ITIH5: variants seen among roughly 807,000 people sequenced by gnomAD.
ITIH5 encodes the protein inter-alpha-trypsin inhibitor heavy chain 5.
In ITIH5, 65 loss-of-function variants were observed where a neutral mutation model predicts 77.5. The observed-to-expected ratio is 0.84, with a 90% CI of 0.69 to 1.03. ITIH5 has a LOEUF of 1.03. Ranked by LOEUF, ITIH5 falls within the 50% of genes least tolerant of loss-of-function variation. The pLI, the probability that ITIH5 is intolerant of heterozygous loss-of-function variation, is 0.00. For synonymous variants in ITIH5, 525 were observed against 494.3 expected, an observed-to-expected ratio of 1.06 and a Z score of -0.82; for missense variants, 1,208 against 1,213.1, an observed-to-expected ratio of 1.00 and a Z score of 0.06.
At chr10:7,604,890 T>C (rs1027415564) in intron 7 of ITIH5, among the ~76,000 whole-genome samples, 1 of 152,132 alleles carries the variant, frequency 6.6e-6, no homozygotes, top group East Asian at 1.9e-4. Context: ...GGTGTGATCA[T>C]GGCTCACTGC....
At chr10:7,598,800 T>C (rs889612422) in intron 7 of ITIH5, among the ~76,000 whole-genome samples, 2 of 152,202 alleles carry the variant, frequency 1.3e-5, no homozygotes, top group African/African-American at 4.8e-5. Flanking sequence ...AATAGAAAGA[T>C]TGCTAAAGAT....
Position 7,576,762 on chromosome 10 carries a change from T to G in ITIH5, c.1669A>C (p.Thr557Pro), listed in dbSNP as rs1292671977. The change falls in exon 10 of 14, where the codon ACA becomes CCA. Residue 557 changes from threonine (T) to proline (P), a missense_variant. Thr to Pro is a conservative substitution (Grantham distance 38, BLOSUM62 -1). Transcript: ENST00000397146. ...VRPQKAGKDV[T>P]GSPRPGGDGE... ...TCGCCTCCAGGCCTGGGGCTTCCTG[T>G]GACATCTTTCCCTGCCTTCTGAGGC... The G allele has an allele frequency of 1.2e-6, 2 of 1,614,232 alleles. No homozygotes were observed. Among genetic ancestry groups the G allele is most frequent in the Non-Finnish European group, 1.7e-6 (2 of 1,180,036 alleles).
chr10:7,664,278 T>A (rs1229990615), intron 1 of ITIH5, among the ~76,000 whole-genome samples: 1 of 151,324 alleles, frequency 6.6e-6, no homozygotes. Flanking sequence ...AGTGCACCTG[T>A]AATCCCATCT....
In ITIH5 at chr10:7,567,086, G is replaced by A. The variant is rs547770451; in HGVS notation, c.2150-679C>T. 2.0e-5 allele frequency among the ~76,000 whole-genome samples: 3 copies of A among 151,916 alleles called. No individual in the cohort carries two copies. In the South Asian group the frequency reaches 6.2e-4, roughly 32 times the overall value. On this transcript the variant is annotated intron_variant, in intron 12 of 13. Transcript: ENST00000397146. ...CAAATGAGGGAATGCGTAAAGTTAT[G>A]TGCGGATTTTTTACTGTTGTCTGAC...
chr10:7,609,756 A>G (rs1234360481), intron 7 of ITIH5, among the ~76,000 whole-genome samples: 3 of 152,210 alleles, frequency 2.0e-5, no homozygotes, highest in Non-Finnish European at 2.9e-5. Flanking sequence ...GTGTGGGAAC[A>G]GGTTTGAAGA....
rs1362442408 is a variant in ITIH5, at chr10:7,642,049, G to A, written c.177C>T (p.Thr59=). Residue 59 remains threonine (T), a synonymous_variant, in exon 3 of 14, where the codon ACC becomes ACT. Coordinates refer to ENST00000397146, the MANE Select transcript of ITIH5 (RefSeq NM_030569.7). ...TAGTGAAGGCATAACGGGAAATGAT[G>A]GTAGACTTCACTGAGAATTCTGTCA... is the stretch of plus-strand genomic sequence containing the variant. The part of the protein sequence containing the change: ...PLMTEFSVKS[T]IISRYAFTTV... The A allele has an allele frequency of 1.9e-6, 3 of 1,613,888 alleles. No homozygotes were observed. The highest frequency in any genetic ancestry group is 2.5e-6 in the Non-Finnish European group (3 of 1,179,906).
intron 12 of ITIH5, among the ~76,000 whole-genome samples, chr10:7,566,871 A>G (rs1018475504): frequency 9.3e-6 from 1 of 107,204 alleles, no homozygotes; most frequent in Non-Finnish European, 1.8e-5. Context: ...AAGAAGAAGA[A>G]GAAGAAGAAG....
chr10:7,600,309 G>A (rs1369066923), intron 7 of ITIH5, among the ~76,000 whole-genome samples: 1 of 152,210 alleles, frequency 6.6e-6, no homozygotes, highest in African/African-American at 2.4e-5. Flanking sequence ...GCCTTAATCT[G>A]ACCTCTGAAA....
At chr10:7,578,945 G>C (rs1401143962) in intron 9 of ITIH5, among the ~76,000 whole-genome samples, 4 of 152,186 alleles carry the variant, frequency 2.6e-5, no homozygotes, top group Non-Finnish European at 4.4e-5. Flanking sequence ...AGTTTTATCT[G>C]ATGGTTTTGC....
intron 13 of ITIH5, among the ~76,000 whole-genome samples, chr10:7,564,553 T>G (rs1380540605): frequency 1.3e-5 from 2 of 152,090 alleles, no homozygotes; most frequent in African/African-American, 4.8e-5. Flanking sequence ...CTGTACAGGT[T>G]TGCAGCCCGG....
At chr10:7,587,241 G>T (rs1020525882) in intron 7 of ITIH5, among the ~76,000 whole-genome samples, 2 of 152,168 alleles carry the variant, frequency 1.3e-5, no homozygotes, top group South Asian at 4.1e-4. Context: ...CAGCTGTGAC[G>T]AATGGAAAGA....
chr10:7,572,137 T>A (rs1832313146), intron 11 of ITIH5: 1 of 1,104,558 alleles, frequency 9.1e-7, no homozygotes, highest in South Asian at 2.3e-5. Context: ...TGGAAGGAAT[T>A]ACATTCTGTC....
At chr10:7,575,755 T>C (rs533598147) in intron 10 of ITIH5, among the ~76,000 whole-genome samples, 32 of 152,224 alleles carry the variant, frequency 2.1e-4, no homozygotes, top group African/African-American at 7.5e-4. Flanking sequence ...TAAATTATAC[T>C]ACATAACTCT....
chr10:7,566,399 C>T lies in ITIH5; in HGVS notation c.2158G>A (p.Val720Met), dbSNP rs753707640. Residue 720 changes from valine to methionine, a missense_variant, in exon 13 of 14, where the codon GTG becomes ATG. By Grantham distance (21) the Val-to-Met change is conservative (BLOSUM62 1). Coordinates refer to ENST00000397146, the MANE Select transcript of ITIH5 (RefSeq NM_030569.7). Reference protein sequence around the residue: ...VSDHRDSGVTVNGELIGAPAP... With the variant: ...VSDHRDSGVTMNGELIGAPAP... ...GGTGCCCCAATTAACTCTCCGTTCA[C>T]TGTGACACCTCAAAGGCCAAGGGGA... The T allele has an allele frequency of 6.3e-7, 1 of 1,595,814 alleles. No homozygotes were observed. The highest frequency in any genetic ancestry group is 8.6e-7 in the Non-Finnish European group (1 of 1,166,016).
At chr10:7,589,133 A>G (rs532340443) in intron 7 of ITIH5, among the ~76,000 whole-genome samples, 1 of 152,316 alleles carries the variant, frequency 6.6e-6, no homozygotes, top group East Asian at 1.9e-4. Flanking sequence ...GGCATCAACT[A>G]ATGTATCCAT....
At chr10:7,633,184 A>G (rs1833739881) in intron 5 of ITIH5, among the ~76,000 whole-genome samples, 2 of 152,248 alleles carry the variant, frequency 1.3e-5, no homozygotes, top group African/African-American at 2.4e-5. Context: ...ACGGAGAGAC[A>G]GTAGAGACAG....
rs182978713 is a variant in ITIH5, at chr10:7,648,726, T to C, written c.136-6636A>G. On this transcript the variant is annotated intron_variant, in intron 2 of 13. Coordinates refer to ENST00000397146, the MANE Select transcript of ITIH5 (RefSeq NM_030569.7). The stretch of plus-strand genomic sequence containing the variant: ...TTTTAATGTCATGGTGATTTGTTCT[T>C]ATTTATGAGATAAGAAATAATTTCA... Among the ~76,000 whole-genome samples the C allele has an allele frequency of 1.3e-3, 194 of 152,356 alleles. 1 individual carries two copies. Among genetic ancestry groups the C allele is most frequent in the African/African-American group, 3.8e-3 (160 of 41,588 alleles).
In ITIH5 at chr10:7,586,774, G is replaced by C. The variant is rs143382035; in HGVS notation, c.940-705C>G. On this transcript the variant is annotated intron_variant, in intron 7 of 13. Coordinates refer to ENST00000397146, the MANE Select transcript of ITIH5 (RefSeq NM_030569.7). ...CTGGAGTGACATGAGGCCTTACAGAGAAAGAGGAATTTGAGGATGAGATTT... is the reference window on the plus strand; with the variant it reads ...CTGGAGTGACATGAGGCCTTACAGACAAAGAGGAATTTGAGGATGAGATTT... Among the ~76,000 whole-genome samples the C allele has an allele frequency of 9.9e-4, 150 of 152,218 alleles. No individual in the cohort carries two copies. In the East Asian group the frequency reaches 0.011, roughly 11 times the overall value.
chr10:7,648,728 T>C (rs1030402943), intron 2 of ITIH5, among the ~76,000 whole-genome samples: 2 of 152,344 alleles, frequency 1.3e-5, no homozygotes, highest in South Asian at 2.1e-4. Flanking sequence ...TTTGTTCTTA[T>C]TTATGAGATA....
Sources: gnomAD v4.1 joint callset for allele counts (sites outside exome capture counted in the v4.1 genomes callset) on GRCh38, gnomAD v4.1.1 for gene constraint, MANE v1.5 for transcripts, NCBI Gene and HGNC (gene_info 2026-07-23, HGNC 2026-07-21) for gene names.